The following GAS7 variants were observed in gnomAD, a reference collection of about 807,000 sequenced individuals.
The protein encoded by GAS7 is growth arrest-specific protein 7.
A neutral mutation model predicts 71.1 loss-of-function variants in GAS7; 28 were observed. The ratio of observed to expected loss-of-function variants is 0.39; its 90% confidence interval spans 0.29 to 0.54. The LOEUF (loss-of-function observed/expected upper bound fraction) is 0.54, where lower values mean the gene tolerates loss of function less well. Among genes scored for constraint, GAS7 ranks in the 20% least tolerant of loss-of-function variants. The pLI is 0.62. For missense variants in GAS7, 436 were observed against 627.8 expected (o/e 0.69, Z 3.27); for synonymous variants, 258 against 245.8 (o/e 1.05, Z -0.46).
intron 1 of GAS7, among the ~76,000 whole-genome samples, chr17:10,140,743 G>A (rs117464489): frequency 0.019 from 2,953 of 152,288 alleles, 44 homozygotes; most frequent in South Asian, 0.029. Flanking sequence ...TCATGGAGTG[G>A]GAGTGTCCCT....
rs1334886761 is a variant in GAS7 at position 9,919,185 on chromosome 17, C to T, written c.1218+441G>A. Among the ~76,000 whole-genome samples, 1 of 151,982 alleles carries T rather than the reference C, an allele frequency of 6.6e-6. No homozygotes were observed. Among genetic ancestry groups the T allele is most frequent in the Non-Finnish European group, 1.5e-5 (1 of 67,960 alleles). Reference sequence around the variant, plus strand: ...TGTTCACCCTTGGTGAGAGGCCTCCCCCACCCCACTGCCTAGCTCCATCCT... The same window carrying T: ...TGTTCACCCTTGGTGAGAGGCCTCCTCCACCCCACTGCCTAGCTCCATCCT... On this transcript the variant is annotated intron_variant, in intron 12 of 13. Transcript: ENST00000432992. This position sits in a 1 kb window ranked among gnomAD's most constrained non-coding sequence, Gnocchi z 5.0.
chr17:10,098,554 G>A (rs889596777), intron 1 of GAS7, among the ~76,000 whole-genome samples: 7 of 152,250 alleles, frequency 4.6e-5, no homozygotes, highest in Non-Finnish European at 1.0e-4. Context: ...AGCAGAGGAA[G>A]AGTGTAAAGT....
intron 1 of GAS7, among the ~76,000 whole-genome samples, chr17:10,027,949 T>A (rs1195445830): frequency 6.6e-6 from 1 of 152,242 alleles, no homozygotes; most frequent in African/African-American, 2.4e-5. Context: ...AGTGGCACGA[T>A]CTCGGCTCAC....
chr17:9,961,102 G>C (rs564226701), intron 4 of GAS7, among the ~76,000 whole-genome samples: 3 of 141,822 alleles, frequency 2.1e-5, no homozygotes, highest in South Asian at 2.3e-4. Context: ...CTCACTCAGA[G>C]ATACATGGAT....
chr17:10,160,312 A>G (rs1017026765), intron 1 of GAS7, among the ~76,000 whole-genome samples: 3 of 152,184 alleles, frequency 2.0e-5, no homozygotes, highest in Admixed American at 1.3e-4. Flanking sequence ...GTAGAGATCT[A>G]GGGGGTATTT....
chr17:10,033,974 C>A (rs905908220), intron 1 of GAS7: 8 of 218,324 alleles, frequency 3.7e-5, no homozygotes, highest in Non-Finnish European at 1.6e-5. Context: ...GGGCTGGAAC[C>A]GTTTCCAAGA....
Position 9,959,343 on chromosome 17 carries a change from G to A in GAS7, c.472-88C>T, listed in dbSNP as rs529966125. 20 of 1,594,150 alleles carry A rather than the reference G, an allele frequency of 1.3e-5. No homozygotes were observed. Among genetic ancestry groups the A allele is most frequent in the East Asian group, 2.3e-5 (1 of 44,438 alleles). ...ATTCAGGTTCCCTGAGGGTGGAGGC[G>A]CTGGGGAATCAGGGATGCTCAGTCT... On this transcript the variant is annotated intron_variant, in intron 4 of 13. Transcript: ENST00000432992. This position sits in a 1 kb window ranked among gnomAD's most constrained non-coding sequence, Gnocchi z 5.0.
At chr17:10,120,423 A>G (rs117756493) in intron 1 of GAS7, among the ~76,000 whole-genome samples, 4,547 of 152,284 alleles carry the variant, frequency 0.03, 127 homozygotes, top group Non-Finnish European at 0.037. Context: ...GACGGACTCA[A>G]TCCTAAGAGT....
intron 2 of GAS7, among the ~76,000 whole-genome samples, chr17:10,012,110 T>C (rs1198905702): frequency 6.6e-6 from 1 of 152,158 alleles, no homozygotes; most frequent in African/African-American, 2.4e-5. Flanking sequence ...ACTAATACAT[T>C]AAACTAAACT....
intron 1 of GAS7, among the ~76,000 whole-genome samples, chr17:10,053,613 G>A (rs540412874): frequency 6.8e-4 from 103 of 152,200 alleles, no homozygotes; most frequent in South Asian, 1.0e-3. Flanking sequence ...TCTCTTCATC[G>A]ATGTGGCATC....
In GAS7 at chr17:9,981,897, G is replaced by T. The variant is rs777447572; in HGVS notation, c.305-13C>A. ...TCCCAGGTGGTCTCTGGTGAAAGAA[G>T]AGCAAAGAAAATCACTTTGAGAATG... is the stretch of plus-strand genomic sequence containing the variant. On this transcript the variant is annotated splice_polypyrimidine_tract_variant and intron_variant, in intron 2 of 13. Coordinates refer to ENST00000432992, the MANE Select transcript of GAS7 (RefSeq NM_201433.2). The surrounding 1 kb of genome is among the most constrained non-coding windows in gnomAD (Gnocchi z 4.4). 2 of 1,481,552 alleles carry T rather than the reference G, an allele frequency of 1.3e-6. No individual in the cohort carries two copies. The highest frequency in any genetic ancestry group is 4.5e-5 in the East Asian group (2 of 44,252). The allele number at this position is 1,481,552 out of a possible 1,614,324, so 91.8% of individuals were successfully genotyped here.
chr17:10,061,222 GAAC>G (rs1176588450), intron 1 of GAS7: 1 of 152,252 alleles, frequency 6.6e-6, no homozygotes, highest in African/African-American at 2.4e-5. Context: ...TACTTACCCA[GAAC>G]AACAACTTCA....
intron 4 of GAS7, among the ~76,000 whole-genome samples, chr17:9,963,655 C>T (rs2069591294): frequency 6.6e-6 from 1 of 152,026 alleles, no homozygotes. Flanking sequence ...ATCGCTTGAG[C>T]CCAGGAGTTC....
chr17:10,028,078 G>GC (rs1218453566), intron 1 of GAS7, among the ~76,000 whole-genome samples: 2 of 152,066 alleles, frequency 1.3e-5, no homozygotes, highest in Non-Finnish European at 2.9e-5. Flanking sequence ...GTTTTGTTCT[G>GC]CTTTTTAGTA....
At chr17:10,021,944 T>G (rs115504279) in intron 1 of GAS7, among the ~76,000 whole-genome samples, 2,285 of 151,328 alleles carry the variant, frequency 0.015, 54 homozygotes, top group African/African-American at 0.053. Flanking sequence ...TCGGCATGGG[T>G]GGGGGGTCAG....
rs1460052095 is a variant in GAS7 at position 10,157,876 on chromosome 17, A to T, written c.183+40332T>A. On this transcript the variant is annotated intron_variant, in intron 1 of 13. Transcript: ENST00000432992. ...GTACTCGTAGGCTGGACATGGTGGTATCCACCTGCAGTCCCAGCTACTCTA... is the reference window on the plus strand; with the variant it reads ...GTACTCGTAGGCTGGACATGGTGGTTTCCACCTGCAGTCCCAGCTACTCTA... 2.6e-5 allele frequency among the ~76,000 whole-genome samples: 4 copies of T among 152,200 alleles called. No individual in the cohort carries two copies. In the East Asian group the frequency reaches 5.8e-4, roughly 22 times the overall value.
chr17:10,002,856 C>T (rs1411200987), intron 2 of GAS7, among the ~76,000 whole-genome samples: 3 of 152,160 alleles, frequency 2.0e-5, no homozygotes, highest in Middle Eastern at 3.4e-3. Context: ...TTGTGAATAG[C>T]GCCACAATAA....
At chr17:10,090,091 C>T (rs1443672664) in intron 1 of GAS7, among the ~76,000 whole-genome samples, 1 of 152,012 alleles carries the variant, frequency 6.6e-6, no homozygotes, top group Admixed American at 6.6e-5. Context: ...ATGGCTTGAA[C>T]CCGGGAGGCA....
At chr17:10,139,222 T>A (rs1202397922) in intron 1 of GAS7, among the ~76,000 whole-genome samples, 1 of 152,214 alleles carries the variant, frequency 6.6e-6, no homozygotes, top group South Asian at 2.1e-4. Context: ...TCTGGAACCA[T>A]GTATCATCTA....
Sources: allele counts gnomAD v4.1 joint callset (sites outside exome capture counted in the v4.1 genomes callset), GRCh38; gene constraint gnomAD v4.1.1; non-coding constraint Gnocchi (gnomAD v3.1); transcripts MANE v1.5; gene names NCBI Gene and HGNC (gene_info 2026-07-23, HGNC 2026-07-21).